PAPSS1: variants seen among roughly 807,000 people sequenced by gnomAD.
PAPSS1 encodes bifunctional 3'-phosphoadenosine 5'-phosphosulfate synthase 1.
PAPSS1 carries 50 observed loss-of-function variants against 72.0 expected under a neutral mutation model. The observed-to-expected ratio is 0.69, with a 90% confidence interval of 0.55 to 0.88. PAPSS1 has a LOEUF of 0.88. Among genes scored for constraint, PAPSS1 ranks in the 40% least tolerant of loss-of-function variants. The pLI is 0.00. For missense variants in PAPSS1, 657 were observed against 782.2 expected, an observed-to-expected ratio of 0.84 and a Z score of 1.91; for synonymous variants, 261 against 263.6, an observed-to-expected ratio of 0.99 and a Z score of 0.09.
intron 5 of PAPSS1, among the ~76,000 whole-genome samples, chr4:107,665,352 C>A (rs1349257669): frequency 6.6e-6 from 1 of 152,208 alleles, no homozygotes; most frequent in Non-Finnish European, 1.5e-5. Flanking sequence ...GATATCTGGA[C>A]AACAGAAAGT....
intron 10 of PAPSS1, among the ~76,000 whole-genome samples, chr4:107,640,148 T>C (rs1366490930): frequency 6.6e-6 from 1 of 152,170 alleles, no homozygotes; most frequent in Non-Finnish European, 1.5e-5. Context: ...CAAAAATAGA[T>C]TCAGTATTTA....
intron 1 of PAPSS1, among the ~76,000 whole-genome samples, chr4:107,710,528 A>G (rs111668891): frequency 0.18 from 2,815 of 15,748 alleles, 94 homozygotes; most frequent in Admixed American, 0.22. Flanking sequence ...GTCCGAAGGG[A>G]GTAAGTGGAT....
intron 3 of PAPSS1, among the ~76,000 whole-genome samples, 195 bp from the exon 4 acceptor site, chr4:107,687,372 A>G (rs931590472): frequency 6.6e-6 from 1 of 152,194 alleles, no homozygotes; most frequent in African/African-American, 2.4e-5. Context: ...TTTAAAAGGC[A>G]TACTGTTCTA....
chr4:107,662,444 T>C (rs1727206148), intron 5 of PAPSS1, among the ~76,000 whole-genome samples: 1 of 152,224 alleles, frequency 6.6e-6, no homozygotes, highest in African/African-American at 2.4e-5. Context: ...CACCAGCTGC[T>C]TCTATGTTCT....
At chr4:107,659,462 A>T (rs958526662) in intron 6 of PAPSS1, among the ~76,000 whole-genome samples, 3 of 152,142 alleles carry the variant, frequency 2.0e-5, no homozygotes, top group Non-Finnish European at 2.9e-5. Context: ...AAAATGATAA[A>T]TTATAATTTC....
intron 5 of PAPSS1, among the ~76,000 whole-genome samples, chr4:107,674,763 A>G (rs906012254): frequency 1.3e-5 from 2 of 151,884 alleles, no homozygotes; most frequent in African/African-American, 4.9e-5. Flanking sequence ...CTTACTCCAA[A>G]ATGCACCACA....
chr4:107,632,496 A>G (rs999476454), intron 10 of PAPSS1, among the ~76,000 whole-genome samples: 2 of 149,898 alleles, frequency 1.3e-5, no homozygotes, highest in African/African-American at 4.9e-5. Flanking sequence ...CTTATAACAT[A>G]TGCCTAATAC....
chr4:107,719,187 G>GTTTTTTTTTT (rs9307313), intron 1 of PAPSS1, among the ~76,000 whole-genome samples: 2 of 146,442 alleles, frequency 1.4e-5, no homozygotes, highest in Non-Finnish European at 1.5e-5. Context: ...GAAATTGCTT[G>GTTTTTTTTTT]TTTTTTTTTT....
intron 1 of PAPSS1, among the ~76,000 whole-genome samples, chr4:107,708,655 C>A (rs1216008481): frequency 6.6e-6 from 1 of 152,142 alleles, no homozygotes; most frequent in Non-Finnish European, 1.5e-5. Context: ...TAAGTAGAGA[C>A]CGTCTGTTTT....
chr4:107,672,448 G>A lies in PAPSS1; in HGVS notation c.669+9567C>T, dbSNP rs906294391. Among the ~76,000 whole-genome samples, 11 of 152,196 alleles carry A rather than the reference G, an allele frequency of 7.2e-5. 1 individual carries two copies. The highest frequency in any genetic ancestry group is 4.6e-4 in the Admixed American group (7 of 15,280). On this transcript the variant is annotated intron_variant, in intron 5 of 11. Coordinates refer to ENST00000265174, the MANE Select transcript of PAPSS1 (RefSeq NM_005443.5). ...CCGTGCCAGGCTCGGAGGGTCCTAT[G>A]CCCACGGAGCCTCGCTCATTGCTAG...
intron 11 of PAPSS1, among the ~76,000 whole-genome samples, chr4:107,622,927 A>G (rs1002393454): frequency 2.0e-5 from 3 of 152,248 alleles, no homozygotes; most frequent in African/African-American, 4.8e-5. Context: ...GGGGGAGGTG[A>G]GTAGATTTAT....
chr4:107,631,986 G>A (rs1726236456), intron 10 of PAPSS1, 126 bp from the exon 11 acceptor site: 3 of 670,728 alleles, frequency 4.5e-6, no homozygotes, highest in African/African-American at 1.8e-5. Flanking sequence ...AACAAATTTA[G>A]ATGTATCATC....
At chr4:107,674,437 G>C (rs1727581474) in intron 5 of PAPSS1, among the ~76,000 whole-genome samples, 1 of 152,100 alleles carries the variant, frequency 6.6e-6, no homozygotes, top group Non-Finnish European at 1.5e-5. Context: ...AGACAAAGAA[G>C]GTCATTACAT....
chr4:107,690,990 A>T (rs1267991740), intron 3 of PAPSS1, among the ~76,000 whole-genome samples: 1 of 152,156 alleles, frequency 6.6e-6, no homozygotes, highest in African/African-American at 2.4e-5. Flanking sequence ...AGGATTCAGG[A>T]ACTCTAACTC....
chr4:107,632,485 TC>T (rs1242313298), intron 10 of PAPSS1, among the ~76,000 whole-genome samples: 6 of 151,418 alleles, frequency 4.0e-5, no homozygotes, highest in Admixed American at 6.6e-5. Context: ...ATATAACTAA[TC>T]TTATAACATA....
At chr4:107,709,618 C>T (rs1304058394) in intron 1 of PAPSS1, among the ~76,000 whole-genome samples, 1 of 152,146 alleles carries the variant, frequency 6.6e-6, no homozygotes, top group African/African-American at 2.4e-5. Context: ...TATTGTAGAA[C>T]CTAAGATTGG....
intron 8 of PAPSS1, among the ~76,000 whole-genome samples, chr4:107,654,106 G>A (rs940257556): frequency 6.6e-6 from 1 of 152,000 alleles, no homozygotes; most frequent in Non-Finnish European, 1.5e-5. Flanking sequence ...TACCCTCCAG[G>A]ACCTGTTCAT....
chr4:107,714,217 T>C (rs1723578500), intron 1 of PAPSS1, among the ~76,000 whole-genome samples: 1 of 152,194 alleles, frequency 6.6e-6, no homozygotes, highest in Non-Finnish European at 1.5e-5. Flanking sequence ...GTCAGAATAC[T>C]CCCTAATTCT....
rs1293556284 is a variant in PAPSS1, at chr4:107,687,115, A to T, written c.474T>A (p.Val158=). Residue 158 remains valine (V), a synonymous_variant, in exon 4 of 12, where the codon GTT becomes GTA. Coordinates refer to ENST00000265174, the MANE Select transcript of PAPSS1 (RefSeq NM_005443.5). The part of the protein sequence containing the change: ...GASLPFFEVF[V]DAPLHVCEQR... ...GTTCACAAACATGCAGAGGAGCATC[A>T]ACAAATACTTCAAAAAACGGTAAAC... 6.2e-7 allele frequency: 1 copy of T among 1,603,682 alleles called. No homozygotes were observed. The highest frequency in any genetic ancestry group is 1.7e-5 in the Admixed American group (1 of 57,592).
Sources: gnomAD v4.1 joint callset for allele counts (sites outside exome capture counted in the v4.1 genomes callset) on GRCh38, gnomAD v4.1.1 for gene constraint, MANE v1.5 for transcripts, NCBI Gene and HGNC (gene_info 2026-07-23, HGNC 2026-07-21) for gene names.